The following FLYWCH2 variants were observed in gnomAD, a reference collection of about 807,000 sequenced individuals.
FLYWCH2 encodes the protein FLYWCH family member 2.
FLYWCH2 carries 2 observed loss-of-function variants against 6.0 expected under a neutral mutation model. The ratio of observed to expected loss-of-function variants is 0.33; its 90% CI spans 0.14 to 1.04. The LOEUF (loss-of-function observed/expected upper bound fraction) is 1.04, where lower values mean the gene tolerates loss of function less well. Ranked by LOEUF, FLYWCH2 falls within the 50% of genes least tolerant of loss-of-function variation. The pLI, the probability that FLYWCH2 is intolerant of heterozygous loss-of-function variation, is 0.45. For missense variants in FLYWCH2, 192 were observed against 183.4 expected (o/e 1.05, Z -0.27); for synonymous variants, 87 against 79.3 (o/e 1.10, Z -0.52).
chr16:2,897,916 G>GAGA (rs34635822), intron 3 of FLYWCH2, among the ~76,000 whole-genome samples: 67,235 of 151,916 alleles, frequency 0.44, 15,106 homozygotes, highest in African/African-American at 0.5. Flanking sequence ...GCCGTGCCCT[G>GAGA]AGAAGAAGAG....
chr16:2,896,246 C>T lies in FLYWCH2; in HGVS notation c.-98-106C>T, dbSNP rs138405697. ...ATCAGGCCCCCTGTCAGTCTTGGCC[C>T]CAGCGAGCAGTGAGGCAGCCCCATC... On this transcript the variant is annotated intron_variant, in intron 2 of 3. Transcript: ENST00000396958. 1.0e-3 allele frequency: 654 copies of T among 623,220 alleles called. 2 individuals are homozygous for T. The highest frequency in any genetic ancestry group is 0.01 in the African/African-American group (546 of 54,416). The allele number at this position is 623,220 out of a possible 1,614,324, so 38.6% of individuals were successfully genotyped here.
chr16:2,890,788 A>T (rs1000115750), intron 1 of FLYWCH2, among the ~76,000 whole-genome samples: 4 of 151,672 alleles, frequency 2.6e-5, no homozygotes, highest in Admixed American at 2.6e-4. Flanking sequence ...GCTGATCTTG[A>T]CCTCTTGACC....
intron 1 of FLYWCH2, among the ~76,000 whole-genome samples, chr16:2,884,288 G>A (rs1320114664): frequency 6.6e-6 from 1 of 152,058 alleles, no homozygotes; most frequent in East Asian, 1.9e-4. Context: ...CATTAGTGAT[G>A]TTTCTCCCCC....
intron 1 of FLYWCH2, among the ~76,000 whole-genome samples, chr16:2,892,673 G>A (rs1280933388): frequency 1.3e-5 from 2 of 151,478 alleles, no homozygotes; most frequent in Admixed American, 6.6e-5. Context: ...GTGAAACCGC[G>A]TATCTACTAA....
At chr16:2,893,699 A>G (rs1309039458) in intron 1 of FLYWCH2, among the ~76,000 whole-genome samples, 1 of 138,826 alleles carries the variant, frequency 7.2e-6, no homozygotes, top group Non-Finnish European at 1.5e-5. Flanking sequence ...GTGCAGTGGC[A>G]CGATCTCGGC....
In FLYWCH2 at chr16:2,896,787, G is replaced by A. The variant is rs370491690; in HGVS notation, c.322+16G>A. 3.0e-5 allele frequency: 48 copies of A among 1,603,300 alleles called. No homozygotes were observed. Among genetic ancestry groups the A allele is most frequent in the African/African-American group, 2.4e-4 (18 of 74,850 alleles). On this transcript the variant is annotated intron_variant, in intron 3 of 3. Transcript: ENST00000396958. The stretch of plus-strand genomic sequence containing the variant: ...CAGGACCCAGGTGAGGCTCCACAGC[G>A]GCCCCCCAGGACAGCTCGGCACCTC...
chr16:2,884,565 A>AAAAAAAAAAC (rs2069675929), intron 1 of FLYWCH2, among the ~76,000 whole-genome samples: 1 of 144,732 alleles, frequency 6.9e-6, no homozygotes, highest in Non-Finnish European at 1.5e-5. Context: ...TACTAAAAAA[A>AAAAAAAAAAC]AAAAAAAAAA....
rs76190008 is a variant in FLYWCH2, at chr16:2,888,484, C to CAA, written c.-200+5136_-200+5137dup. Among the ~76,000 whole-genome samples, 644 of 105,762 alleles carry CAA rather than the reference C, an allele frequency of 6.1e-3. 8 individuals are homozygous for CAA. Among genetic ancestry groups the CAA allele is most frequent in the African/African-American group, 0.021 (599 of 27,954 alleles). The allele number at this position is 105,762 out of a possible 152,430, so 69.4% of individuals were successfully genotyped here. A position where few individuals can be genotyped will look rare whatever the true frequency, so the allele number is the denominator to read the frequency against. ...TTTAGGACCAGCTTGTCAGTTTCTCCAAAAAAAAAAAAAAAAAAAGCCAGC... is the reference window on the plus strand; with the variant it reads ...TTTAGGACCAGCTTGTCAGTTTCTCCAAAAAAAAAAAAAAAAAAAAAGCCAGC... On this transcript the variant is annotated intron_variant, in intron 1 of 3. Coordinates refer to ENST00000396958, the MANE Select transcript of FLYWCH2 (RefSeq NM_138439.3).
In FLYWCH2 at chr16:2,896,755, G is replaced by A; in HGVS notation, c.306G>A (p.Arg102=). The A allele has an allele frequency of 6.2e-7, 1 of 1,610,438 alleles. No homozygotes were observed. The highest frequency in any genetic ancestry group is 8.5e-7 in the Non-Finnish European group (1 of 1,179,764). ...EAAPQEPEQK[R]SRQDPGTDRT... is the part of the protein sequence containing the mutation. ...CCCCTCAGGAGCCTGAGCAGAAACGGAGCAGGCAGGACCCAGGTGAGGCTC... is the reference window on the plus strand; with the variant it reads ...CCCCTCAGGAGCCTGAGCAGAAACGAAGCAGGCAGGACCCAGGTGAGGCTC... The change falls in exon 3 of 4, where the codon CGG becomes CGA. Residue 102 remains arginine, a synonymous_variant. Transcript: ENST00000396958.
rs374750652 is a variant in FLYWCH2, at chr16:2,899,183, A to T, written c.*34A>T. 1,019 of 1,540,194 alleles carry T rather than the reference A, an allele frequency of 6.6e-4. No homozygotes were observed. The highest frequency in any genetic ancestry group is 8.5e-4 in the Non-Finnish European group (955 of 1,123,694). On this transcript the variant is annotated 3_prime_UTR_variant, in exon 4 of 4. Transcript: ENST00000396958. ...ACAGGCGCATCCTCCCAGGCCACCA[A>T]CCCAGCCATAGGCTCTTCTCTGTCC...
At chr16:2,892,767 C>G (rs536099802) in intron 1 of FLYWCH2, among the ~76,000 whole-genome samples, 1 of 151,252 alleles carries the variant, frequency 6.6e-6, no homozygotes, top group South Asian at 2.1e-4. Flanking sequence ...TCACTTGAAC[C>G]CAGGAGGTGG....
intron 1 of FLYWCH2, among the ~76,000 whole-genome samples, chr16:2,890,807 T>C (rs2069748986): frequency 6.6e-6 from 1 of 152,046 alleles, no homozygotes. Flanking sequence ...CCTAAAGTAA[T>C]CCACCCACCT....
rs566687400 is a variant in FLYWCH2 at position 2,899,082 on chromosome 16, C to T, written c.356C>T (p.Ala119Val). ...TDRTEDSGLA[A>V]GPPEAAGENF... The stretch of plus-strand genomic sequence containing the variant: ...AGAACAGAAGACAGTGGATTAGCAG[C>T]GGGGCCTCCTGAGGCTGCTGGGGAG... Residue 119 changes from alanine (A) to valine (V), a missense_variant, in exon 4 of 4, where the codon GCG becomes GTG. Coordinates refer to ENST00000396958, the MANE Select transcript of FLYWCH2 (RefSeq NM_138439.3). 33 of 1,613,658 alleles carry T rather than the reference C, an allele frequency of 2.0e-5. No homozygotes were observed. The highest frequency in any genetic ancestry group is 1.0e-4 in the Admixed American group (6 of 59,942).
chr16:2,893,469 C>T (rs2069781923), intron 1 of FLYWCH2, among the ~76,000 whole-genome samples: 2 of 152,134 alleles, frequency 1.3e-5, no homozygotes, highest in South Asian at 4.1e-4. Context: ...GCCCAATTTA[C>T]GTATTTCACG....
intron 1 of FLYWCH2, among the ~76,000 whole-genome samples, chr16:2,884,576 A>AAAAAAAAT (rs1567301749): frequency 7.0e-6 from 1 of 143,052 alleles, no homozygotes; most frequent in African/African-American, 2.6e-5. Flanking sequence ...AAAAAAAAAA[A>AAAAAAAAT]ATACAAAAAT....
chr16:2,893,634 C>CA (rs1218111177), intron 1 of FLYWCH2, among the ~76,000 whole-genome samples: 21 of 111,922 alleles, frequency 1.9e-4, no homozygotes, highest in African/African-American at 6.6e-4. Flanking sequence ...TTCTTTTCTT[C>CA]TTTTTTTTTT....
chr16:2,891,275 A>G (rs73477229), intron 1 of FLYWCH2, among the ~76,000 whole-genome samples: 4,411 of 152,308 alleles, frequency 0.029, 215 homozygotes, highest in African/African-American at 0.099. Flanking sequence ...TTGACATAAT[A>G]GGACTTTTTT....
chr16:2,896,171 C>G (rs1455731968), intron 2 of FLYWCH2, among the ~76,000 whole-genome samples, 181 bp from the exon 3 acceptor site: 4 of 152,266 alleles, frequency 2.6e-5, no homozygotes, highest in South Asian at 2.1e-4. Context: ...ATGGGGCTGA[C>G]GTTCCCAAGG....
intron 1 of FLYWCH2, among the ~76,000 whole-genome samples, chr16:2,889,505 C>T (rs1182847478): frequency 2.0e-5 from 3 of 151,162 alleles, no homozygotes; most frequent in African/African-American, 4.9e-5. Context: ...CCACTGCGCC[C>T]GGCCAACCTT....
Sources: allele counts gnomAD v4.1 joint callset (sites outside exome capture counted in the v4.1 genomes callset), GRCh38; gene constraint gnomAD v4.1.1; transcripts MANE v1.5; gene names NCBI Gene and HGNC (gene_info 2026-07-23, HGNC 2026-07-21).